The following CDH13 variants were observed in gnomAD, a reference collection of about 807,000 sequenced individuals.
The protein encoded by CDH13 is cadherin 13.
A neutral mutation model predicts 63.8 loss-of-function variants in CDH13; 24 were observed. The observed-to-expected ratio is 0.38, with a 90% confidence interval of 0.27 to 0.53. CDH13 has a LOEUF of 0.53. Ranked by LOEUF, CDH13 falls within the 20% of genes least tolerant of loss-of-function variation. The pLI is 0.85. For missense variants in CDH13, 1,049 were observed against 903.1 expected (o/e 1.16, Z -2.07); for synonymous variants, 503 against 355.3 (o/e 1.42, Z -4.67).
At chr16:83,528,480 C>G (rs1008691817) in intron 7 of CDH13, among the ~76,000 whole-genome samples, 8 of 152,170 alleles carry the variant, frequency 5.3e-5, no homozygotes, top group African/African-American at 1.9e-4. Flanking sequence ...CCATGAGGCT[C>G]ATTCTCAGGG....
At chr16:83,701,764 A>G (rs1195114652) in intron 10 of CDH13, among the ~76,000 whole-genome samples, 1 of 152,180 alleles carries the variant, frequency 6.6e-6, no homozygotes, top group African/African-American at 2.4e-5. Flanking sequence ...CACTCCTGCT[A>G]CTGGGTTGCT....
At chr16:83,333,766 C>T (rs2090527144) in intron 5 of CDH13, among the ~76,000 whole-genome samples, 1 of 152,102 alleles carries the variant, frequency 6.6e-6, no homozygotes, top group South Asian at 2.1e-4. Flanking sequence ...ATCACATGAC[C>T]CATTTTGCCC....
intron 2 of CDH13, among the ~76,000 whole-genome samples, chr16:82,939,240 A>C (rs1304818497): frequency 6.6e-6 from 1 of 152,136 alleles, no homozygotes; most frequent in African/African-American, 2.4e-5. Flanking sequence ...CCTGGGCAAC[A>C]TGGTGAAACC....
At chr16:83,059,793 GTTTT>G (rs66521965) in intron 3 of CDH13, among the ~76,000 whole-genome samples, 1 of 113,106 alleles carries the variant, frequency 8.8e-6, no homozygotes, top group African/African-American at 3.2e-5. Flanking sequence ...TTTTTTGTTT[GTTTT>G]TTTTTTTTTT....
chr16:82,735,693 C>T (rs1046661622), intron 1 of CDH13, among the ~76,000 whole-genome samples: 16 of 152,168 alleles, frequency 1.1e-4, no homozygotes, highest in Non-Finnish European at 2.2e-4. Context: ...GCTTCATTAT[C>T]CCACTGTGAT....
chr16:83,191,556 TAC>T (rs1418988074), intron 4 of CDH13, among the ~76,000 whole-genome samples: 2 of 126,862 alleles, frequency 1.6e-5, no homozygotes, highest in Admixed American at 8.2e-5. Context: ...TATATATATA[TAC>T]ACACACACAT....
At chr16:83,279,472 A>T (rs930746968) in intron 5 of CDH13, among the ~76,000 whole-genome samples, 2 of 152,234 alleles carry the variant, frequency 1.3e-5, no homozygotes, top group African/African-American at 4.8e-5. Context: ...TAGGGGGAAC[A>T]TTAAAATCAT....
At chr16:83,431,589 G>A (rs1413150238) in intron 6 of CDH13, among the ~76,000 whole-genome samples, 1 of 152,086 alleles carries the variant, frequency 6.6e-6, no homozygotes, top group Non-Finnish European at 1.5e-5. Context: ...GAAACACAAT[G>A]CTGGCATCTT....
intron 1 of CDH13, among the ~76,000 whole-genome samples, chr16:82,632,852 C>T (rs1349202383): frequency 6.6e-6 from 1 of 152,056 alleles, no homozygotes; most frequent in African/African-American, 2.4e-5. Context: ...GTTTTTCTGC[C>T]ACTAGATGGT....
chr16:83,019,822 G>A (rs1337429348), intron 2 of CDH13, among the ~76,000 whole-genome samples: 2 of 143,912 alleles, frequency 1.4e-5, no homozygotes, highest in Non-Finnish European at 3.0e-5. Context: ...ATGGGTAGAA[G>A]GAGGAGTACA....
chr16:82,674,738 G>T (rs1039580649), intron 1 of CDH13, among the ~76,000 whole-genome samples: 2 of 152,128 alleles, frequency 1.3e-5, no homozygotes, highest in African/African-American at 4.8e-5. Flanking sequence ...GTTTGAGGTG[G>T]GGGCACACTG....
intron 2 of CDH13, among the ~76,000 whole-genome samples, chr16:82,978,367 C>T (rs1487994181): frequency 6.6e-6 from 1 of 152,178 alleles, no homozygotes; most frequent in African/African-American, 2.4e-5. Context: ...TATTAATCAC[C>T]AAGACAACAG....
intron 10 of CDH13, among the ~76,000 whole-genome samples, chr16:83,724,774 A>C (rs1910181378): frequency 6.6e-6 from 1 of 152,116 alleles, no homozygotes; most frequent in Admixed American, 6.5e-5. Flanking sequence ...TGATTGATGA[A>C]GTGTCAGCAG....
intron 7 of CDH13, among the ~76,000 whole-genome samples, chr16:83,597,154 T>C (rs576253616): frequency 2.0e-5 from 3 of 151,880 alleles, no homozygotes; most frequent in Admixed American, 6.6e-5. Flanking sequence ...GCCTGGGAGG[T>C]CGAGGCTGCA....
At chr16:82,965,791 C>T (rs1907715687) in intron 2 of CDH13, among the ~76,000 whole-genome samples, 1 of 152,168 alleles carries the variant, frequency 6.6e-6, no homozygotes, top group African/African-American at 2.4e-5. Context: ...CTGCTCCCGG[C>T]CAGTAAACTT....
chr16:83,340,257 T>C (rs1285296807), intron 5 of CDH13, among the ~76,000 whole-genome samples: 3 of 152,140 alleles, frequency 2.0e-5, no homozygotes, highest in Non-Finnish European at 4.4e-5. Context: ...TATATTTGTA[T>C]GTGTGTGCTA....
intron 1 of CDH13, among the ~76,000 whole-genome samples, chr16:82,843,111 C>A (rs1018000658): frequency 6.6e-6 from 1 of 152,332 alleles, no homozygotes; most frequent in East Asian, 1.9e-4. Context: ...AGATTACTAA[C>A]TCCACCCTTA....
At chr16:83,336,406 G>C (rs1305175293) in intron 5 of CDH13, among the ~76,000 whole-genome samples, 1 of 152,034 alleles carries the variant, frequency 6.6e-6, no homozygotes. Context: ...GTATTCCAGA[G>C]ATAACGGCAG....
intron 7 of CDH13, among the ~76,000 whole-genome samples, chr16:83,494,766 G>T (rs925961351): frequency 6.6e-6 from 1 of 152,170 alleles, no homozygotes; most frequent in Admixed American, 6.5e-5. Flanking sequence ...ATCTCAAAAT[G>T]CCTGGGATCC....
Sources: gnomAD v4.1 joint callset for allele counts (sites outside exome capture counted in the v4.1 genomes callset) on GRCh38, gnomAD v4.1.1 for gene constraint, MANE v1.5 for transcripts, NCBI Gene and HGNC (gene_info 2026-07-23, HGNC 2026-07-21) for gene names.